The following ST6GALNAC3 variants were observed in gnomAD, a reference collection of about 807,000 sequenced individuals.
ST6GALNAC3 encodes the protein alpha-N-acetylgalactosaminide alpha-2,6-sialyltransferase 3.
Under a neutral mutation model 32.7 loss-of-function variants are expected in ST6GALNAC3, and 25 were observed. That is an observed-to-expected ratio of 0.76 (90% CI 0.56 to 1.07). The LOEUF is 1.07. Ranked by LOEUF, ST6GALNAC3 falls within the 50% of genes least tolerant of loss-of-function variation. The pLI is 0.00. For synonymous variants in ST6GALNAC3, 129 were observed against 133.1 expected (o/e 0.97, Z 0.21); for missense variants, 355 against 382.4 (o/e 0.93, Z 0.60).
chr1:76,314,019 C>T lies in ST6GALNAC3; in HGVS notation c.213+20C>T, dbSNP rs1438186507. On this transcript the variant is annotated intron_variant, in intron 2 of 4. Transcript: ENST00000328299. Reference sequence around the variant, plus strand: ...CAAGAGGTAAGATCCCAGAGGGTTACCTAGCAGTTGGAGAGTATCCATGGT... The same window carrying T: ...CAAGAGGTAAGATCCCAGAGGGTTATCTAGCAGTTGGAGAGTATCCATGGT... 2 of 1,603,982 alleles carry T rather than the reference C, an allele frequency of 1.2e-6. No homozygotes were observed. Among genetic ancestry groups the T allele is most frequent in the Non-Finnish European group, 1.7e-6 (2 of 1,174,728 alleles).
intron 1 of ST6GALNAC3, among the ~76,000 whole-genome samples, chr1:76,271,100 T>C (rs896127103): frequency 6.6e-6 from 1 of 152,226 alleles, no homozygotes; most frequent in South Asian, 2.1e-4. Context: ...CTCATATTGA[T>C]TCCTTACTTG....
intron 3 of ST6GALNAC3, among the ~76,000 whole-genome samples, chr1:76,468,476 A>T (rs1385208581): frequency 2.6e-5 from 4 of 152,040 alleles, no homozygotes; most frequent in African/African-American, 9.7e-5. Flanking sequence ...TCAAACATAT[A>T]TTGAAAGAGA....
At chr1:76,208,377 G>C in intron 1 of ST6GALNAC3, among the ~76,000 whole-genome samples, 1 of 152,234 alleles carries the variant, frequency 6.6e-6, no homozygotes, top group South Asian at 2.1e-4. Flanking sequence ...ATCTTTGAAA[G>C]CTCGTGTTTA....
chr1:76,526,372 C>G (rs1294314206), intron 3 of ST6GALNAC3, among the ~76,000 whole-genome samples: 1 of 152,028 alleles, frequency 6.6e-6, no homozygotes, highest in Non-Finnish European at 1.5e-5. Context: ...TTGTTTCATG[C>G]CCAGAGAATG....
At chr1:76,477,628 G>T (rs772395110) in intron 3 of ST6GALNAC3, among the ~76,000 whole-genome samples, 4 of 152,114 alleles carry the variant, frequency 2.6e-5, no homozygotes, top group Non-Finnish European at 5.9e-5. Context: ...AAGCACATTT[G>T]TCCCTGTGCC....
At chr1:76,487,715 T>C (rs1181840954) in intron 3 of ST6GALNAC3, among the ~76,000 whole-genome samples, 1 of 152,216 alleles carries the variant, frequency 6.6e-6, no homozygotes, top group Admixed American at 6.5e-5. Flanking sequence ...TGAAGCCTTC[T>C]TCTCTCTACT....
At chr1:76,434,113 G>A (rs543358958) in intron 3 of ST6GALNAC3, among the ~76,000 whole-genome samples, 52 of 152,256 alleles carry the variant, frequency 3.4e-4, no homozygotes, top group South Asian at 3.3e-3. Context: ...AGGTGGCAGG[G>A]CACTGAATAA....
chr1:76,403,802 T>A (rs993791914), intron 2 of ST6GALNAC3, among the ~76,000 whole-genome samples: 5 of 152,028 alleles, frequency 3.3e-5, no homozygotes, highest in Non-Finnish European at 7.4e-5. Context: ...GAGAAAAAAA[T>A]AATCAAGAGG....
chr1:76,519,154 T>C (rs1206667492), intron 3 of ST6GALNAC3, among the ~76,000 whole-genome samples: 1 of 152,162 alleles, frequency 6.6e-6, no homozygotes, highest in Non-Finnish European at 1.5e-5. Context: ...CACAGTGTCA[T>C]CTTTTTTTAG....
intron 2 of ST6GALNAC3, among the ~76,000 whole-genome samples, chr1:76,316,041 A>G (rs908647268): frequency 1.6e-4 from 25 of 151,712 alleles, no homozygotes; most frequent in African/African-American, 5.8e-4. Context: ...AATTAAAACC[A>G]CAATGAGAAA....
intron 3 of ST6GALNAC3, among the ~76,000 whole-genome samples, chr1:76,436,255 C>T (rs1011519473): frequency 1.3e-5 from 2 of 151,972 alleles, no homozygotes; most frequent in African/African-American, 4.8e-5. Context: ...AGACTGAGTT[C>T]GAAGATAGAT....
chr1:76,125,040 T>C (rs1188935207), intron 1 of ST6GALNAC3, among the ~76,000 whole-genome samples: 2 of 152,218 alleles, frequency 1.3e-5, no homozygotes, highest in Admixed American at 6.5e-5. Flanking sequence ...AGAAAATATA[T>C]CAAATTTAAT....
rs11444517 is a variant in ST6GALNAC3, at chr1:76,255,030, C to CTT, written c.19-58763_19-58762dup. Reference sequence around the variant, plus strand: ...GTGGTTTCTGCAAATCTCTCTCTCTCTTTTTTTTTTTTTAAACTGGCCCAT... The same window carrying CTT: ...GTGGTTTCTGCAAATCTCTCTCTCTCTTTTTTTTTTTTTTTAAACTGGCCCAT... On this transcript the variant is annotated intron_variant, in intron 1 of 4. Coordinates refer to ENST00000328299, the MANE Select transcript of ST6GALNAC3 (RefSeq NM_152996.4). 2.8e-3 allele frequency among the ~76,000 whole-genome samples: 415 copies of CTT among 146,354 alleles called. 2 individuals are homozygous for CTT. Among genetic ancestry groups the CTT allele is most frequent in the South Asian group, 3.9e-3 (18 of 4,612 alleles).
At chr1:76,297,030 T>C (rs1409947137) in intron 1 of ST6GALNAC3, among the ~76,000 whole-genome samples, 2 of 152,012 alleles carry the variant, frequency 1.3e-5, no homozygotes, top group Non-Finnish European at 2.9e-5. Flanking sequence ...AGCATCAGCA[T>C]TGGTCAGCAT....
intron 2 of ST6GALNAC3, among the ~76,000 whole-genome samples, chr1:76,409,670 T>C (rs1654081453): frequency 6.6e-6 from 1 of 152,110 alleles, no homozygotes; most frequent in African/African-American, 2.4e-5. Flanking sequence ...TGATGATTTT[T>C]GATTAATGGT....
chr1:76,607,295 T>A (rs1239107506), intron 3 of ST6GALNAC3, among the ~76,000 whole-genome samples: 1 of 152,040 alleles, frequency 6.6e-6, no homozygotes, highest in Non-Finnish European at 1.5e-5. Flanking sequence ...TGGAACACCA[T>A]TGTTTAGAGG....
chr1:76,602,303 G>A (rs1647270720), intron 3 of ST6GALNAC3, among the ~76,000 whole-genome samples: 1 of 152,020 alleles, frequency 6.6e-6, no homozygotes, highest in Non-Finnish European at 1.5e-5. Context: ...GGTCAAGAAC[G>A]TGTGTTCATG....
At chr1:76,278,791 G>T (rs1659331521) in intron 1 of ST6GALNAC3, among the ~76,000 whole-genome samples, 1 of 152,138 alleles carries the variant, frequency 6.6e-6, no homozygotes, top group Admixed American at 6.5e-5. Context: ...GGAAACCAAG[G>T]TTTAGGAAAG....
At chr1:76,154,633 C>T (rs934422802) in intron 1 of ST6GALNAC3, among the ~76,000 whole-genome samples, 1 of 152,134 alleles carries the variant, frequency 6.6e-6, no homozygotes, top group South Asian at 2.1e-4. Flanking sequence ...TGTCCCTAAC[C>T]TGGTTGCAAT....
Sources: gnomAD v4.1 joint callset for allele counts (sites outside exome capture counted in the v4.1 genomes callset) on GRCh38, gnomAD v4.1.1 for gene constraint, MANE v1.5 for transcripts, NCBI Gene and HGNC (gene_info 2026-07-23, HGNC 2026-07-21) for gene names.